Variants in BAZ1A observed in about 807,000 individuals in gnomAD.
The protein encoded by BAZ1A is bromodomain adjacent to zinc finger domain protein 1A.
A neutral mutation model predicts 185.2 loss-of-function variants in BAZ1A; 50 were observed. The ratio of observed to expected loss-of-function variants is 0.27; its 90% confidence interval spans 0.22 to 0.34. The LOEUF is 0.34. Among genes scored for constraint, BAZ1A ranks in the 10% least tolerant of loss-of-function variants. The pLI, the probability that BAZ1A is intolerant of heterozygous loss-of-function variation, is 1.00. For synonymous variants in BAZ1A, 571 were observed against 615.6 expected (o/e 0.93, Z 1.07); for missense variants, 1,356 against 1,839.9 (o/e 0.74, Z 4.81).
intron 5 of BAZ1A, among the ~76,000 whole-genome samples, chr14:34,810,077 G>A (rs1342747149): frequency 6.6e-6 from 1 of 152,000 alleles, no homozygotes; most frequent in Non-Finnish European, 1.5e-5. Context: ...TCTATCTCAG[G>A]ATTCTCTTAA....
At chr14:34,765,623 G>C (rs1022604124) in intron 21 of BAZ1A, among the ~76,000 whole-genome samples, 17 of 152,116 alleles carry the variant, frequency 1.1e-4, no homozygotes, top group African/African-American at 4.1e-4. Flanking sequence ...CTATTCATTT[G>C]CATGAAGTAT....
chr14:34,778,439 T>C (rs1879807451), intron 17 of BAZ1A, among the ~76,000 whole-genome samples: 2 of 152,246 alleles, frequency 1.3e-5, no homozygotes, highest in Non-Finnish European at 2.9e-5. Context: ...TTTTTCGTTC[T>C]ATTTCTTTTG....
In BAZ1A at chr14:34,761,882, T is replaced by C. The variant is rs771301603; in HGVS notation, c.4118A>G (p.Asn1373Ser). 7 of 1,614,198 alleles carry C rather than the reference T, an allele frequency of 4.3e-6. No homozygotes were observed. The South Asian group carries it at 4.4e-5, about 10-fold the overall frequency. ...GGCAATGACTCTGAAGTTAGGGAAG[T>C]TGGGACTATTTTCTGGTGTATTATT... ...SANNTPENSP[N>S]FPNFRVIATK... The change falls in exon 24 of 27, where the codon AAC (asparagine) becomes AGC (serine). Residue 1373 changes from asparagine to serine, a missense_variant. Asn to Ser is a conservative substitution (Grantham distance 46, BLOSUM62 1). Around this residue, in one of 7 missense-constraint regions of BAZ1A, gnomAD observed 309 missense variants for 355.3 expected, o/e 0.87. Coordinates refer to ENST00000360310, the MANE Select transcript of BAZ1A (RefSeq NM_013448.3).
In BAZ1A at chr14:34,835,208, C is replaced by T. The variant is rs527702795; in HGVS notation, c.393-9052G>A. On this transcript the variant is annotated intron_variant, in intron 3 of 26. Transcript: ENST00000360310. ...TCCCCAGTAGCTGGGATTACAGGCA[C>T]GCGCCACCATGCCCAGCTAATTTTT... Among the ~76,000 whole-genome samples the T allele has an allele frequency of 9.9e-5, 15 of 151,518 alleles. No individual in the cohort carries two copies. The South Asian group carries it at 3.1e-3, about 32-fold the overall frequency.
chr14:34,807,423 C>T, intron 6 of BAZ1A, 28 bp downstream of exon 6: 1 of 1,526,850 alleles, frequency 6.5e-7, no homozygotes, highest in Non-Finnish European at 9.0e-7. Flanking sequence ...TTTCTGTCTT[C>T]CAACAAATAA....
chr14:34,774,910 C>G (rs1391869507), intron 18 of BAZ1A, among the ~76,000 whole-genome samples: 1 of 152,190 alleles, frequency 6.6e-6, no homozygotes, highest in African/African-American at 2.4e-5. Context: ...GGCCAATGAG[C>G]ACATGAAAAG....
chr14:34,856,629 G>A (rs375246372), intron 3 of BAZ1A, among the ~76,000 whole-genome samples: 1 of 151,928 alleles, frequency 6.6e-6, no homozygotes, highest in East Asian at 1.9e-4. Flanking sequence ...AGGCTGAGAT[G>A]GGTGGATCAC....
At chr14:34,837,536 G>A (rs2042349289) in intron 3 of BAZ1A, among the ~76,000 whole-genome samples, 1 of 150,126 alleles carries the variant, frequency 6.7e-6, no homozygotes, top group South Asian at 2.1e-4. Context: ...ACTGAGCCCA[G>A]CCACAAAAAT....
At chr14:34,772,681 A>T (rs1879302984) in intron 20 of BAZ1A, among the ~76,000 whole-genome samples, 1 of 152,188 alleles carries the variant, frequency 6.6e-6, no homozygotes. Context: ...CACAATCATT[A>T]TTAGCTCACT....
At chr14:34,788,710 C>T (rs1437412296) in intron 12 of BAZ1A, among the ~76,000 whole-genome samples, 2 of 152,140 alleles carry the variant, frequency 1.3e-5, no homozygotes, top group Admixed American at 6.5e-5. Context: ...GATGCTCCTC[C>T]TAAAGTGAGA....
chr14:34,765,284 A>G lies in BAZ1A; in HGVS notation c.3302-16T>C, dbSNP rs750790103. 4.9e-5 allele frequency: 79 copies of G among 1,607,528 alleles called. No homozygotes were observed. The East Asian group carries it at 1.7e-3, about 34-fold the overall frequency. On this transcript the variant is annotated splice_polypyrimidine_tract_variant and intron_variant, in intron 21 of 26. Transcript: ENST00000360310. ...TCACTGGCATCTTAAATGAAAAGGG[A>G]AAGTGATTACAATTTTTTAGGCAAA...
chr14:34,754,478 C>CAG (rs1332925257), intron 26 of BAZ1A, among the ~76,000 whole-genome samples: 6 of 150,796 alleles, frequency 4.0e-5, no homozygotes, highest in Admixed American at 1.3e-4. Context: ...AACAAGGTAG[C>CAG]AGAACTGAGG....
At chr14:34,787,767 T>C (rs1333027558) in intron 12 of BAZ1A, among the ~76,000 whole-genome samples, 1 of 152,238 alleles carries the variant, frequency 6.6e-6, no homozygotes, top group Admixed American at 6.5e-5. Context: ...TTTAAAACAG[T>C]GCTTAGCTTA....
chr14:34,755,464 A>T (rs971071129), intron 25 of BAZ1A, among the ~76,000 whole-genome samples: 2 of 151,780 alleles, frequency 1.3e-5, no homozygotes, highest in Non-Finnish European at 2.9e-5. Context: ...TCCACCATTC[A>T]CCATATTCTC....
intron 2 of BAZ1A, among the ~76,000 whole-genome samples, chr14:34,866,343 G>A (rs2042858850): frequency 1.3e-5 from 2 of 150,532 alleles, no homozygotes; most frequent in Non-Finnish European, 1.5e-5. Flanking sequence ...AATTAGCCAG[G>A]TCCACGTGGT....
rs548136546 is a variant in BAZ1A, at chr14:34,861,912, C to T, written c.392+132G>A. 17 of 1,015,142 alleles carry T rather than the reference C, an allele frequency of 1.7e-5. No individual in the cohort carries two copies. In the South Asian group the frequency reaches 1.9e-4, roughly 12 times the overall value. The allele number at this position is 1,015,142 out of a possible 1,614,324, so 62.9% of individuals were successfully genotyped here. On this transcript the variant is annotated intron_variant, in intron 3 of 26. Coordinates refer to ENST00000360310, the MANE Select transcript of BAZ1A (RefSeq NM_013448.3). Reference sequence around the variant, plus strand: ...ATACAAGAAACAGCTAACACCGGGGCTATCTGTGGGTTAACAGAATAGCTA... The same window carrying T: ...ATACAAGAAACAGCTAACACCGGGGTTATCTGTGGGTTAACAGAATAGCTA...
chr14:34,781,207 T>A (rs537879749), intron 16 of BAZ1A, among the ~76,000 whole-genome samples: 1 of 152,292 alleles, frequency 6.6e-6, no homozygotes, highest in South Asian at 2.1e-4. Flanking sequence ...AATAAATATT[T>A]AAAAAATATG....
chr14:34,763,218 T>C (rs1379113933), intron 23 of BAZ1A, among the ~76,000 whole-genome samples: 1 of 152,174 alleles, frequency 6.6e-6, no homozygotes, highest in Admixed American at 6.5e-5. Context: ...TTCTTTATCA[T>C]CTTTATGCCT....
intron 2 of BAZ1A, among the ~76,000 whole-genome samples, chr14:34,870,933 CA>C (rs2042940078): frequency 6.6e-6 from 1 of 152,154 alleles, no homozygotes; most frequent in Non-Finnish European, 1.5e-5. Flanking sequence ...AAACCTCTTC[CA>C]ATGAAAAGCC....
Sources: allele counts gnomAD v4.1 joint callset (sites outside exome capture counted in the v4.1 genomes callset), GRCh38; gene constraint gnomAD v4.1.1; regional missense constraint gnomAD v4.1.1; transcripts MANE v1.5; gene names NCBI Gene and HGNC (gene_info 2026-07-23, HGNC 2026-07-21).